The following SPAG16 variants were observed in gnomAD, a reference collection of about 807,000 sequenced individuals.
SPAG16 encodes sperm associated antigen 16.
A neutral mutation model predicts 80.4 loss-of-function variants in SPAG16; 86 were observed. That is an observed-to-expected ratio of 1.07 (90% confidence interval 0.90 to 1.28). The LOEUF is 1.28. Among genes scored for constraint, SPAG16 ranks in the 50% most tolerant of loss-of-function variants. SPAG16 has a pLI of 0.00. For synonymous variants in SPAG16, 294 were observed against 265.9 expected, an observed-to-expected ratio of 1.11 and a Z score of -1.03; for missense variants, 870 against 765.3, an observed-to-expected ratio of 1.14 and a Z score of -1.61.
At chr2:214,049,014 C>T (rs918307546) in intron 13 of SPAG16, among the ~76,000 whole-genome samples, 1 of 151,674 alleles carries the variant, frequency 6.6e-6, no homozygotes, top group African/African-American at 2.4e-5. Flanking sequence ...TAGCTGACTG[C>T]AGCCTTGAAC....
chr2:213,472,865 C>T (rs1363675144), intron 9 of SPAG16, among the ~76,000 whole-genome samples: 1 of 152,192 alleles, frequency 6.6e-6, no homozygotes, highest in African/African-American at 2.4e-5. Flanking sequence ...GATCTTTTCC[C>T]TTCCTCCAAT....
At chr2:214,112,593 T>C (rs1438334789) in intron 14 of SPAG16, among the ~76,000 whole-genome samples, 1 of 151,724 alleles carries the variant, frequency 6.6e-6, no homozygotes, top group Non-Finnish European at 1.5e-5. Context: ...TTGATCTTTG[T>C]TGGTTTAAAG....
chr2:213,351,145 CA>C lies in SPAG16; in HGVS notation c.762+507del, dbSNP rs541894718. Reference sequence around the variant, plus strand: ...TAGGCAACAGAGTGAGACAGTGTCTCAAAAAAATTAAATTAAATATCATTTA... The same window carrying C: ...TAGGCAACAGAGTGAGACAGTGTCTCAAAAAATTAAATTAAATATCATTTA... On this transcript the variant is annotated intron_variant, in intron 7 of 15. Coordinates refer to ENST00000331683, the MANE Select transcript of SPAG16 (RefSeq NM_024532.5). Among the ~76,000 whole-genome samples the C allele has an allele frequency of 6.6e-5, 10 of 151,736 alleles. 1 individual carries two copies. The highest frequency in any genetic ancestry group is 2.2e-4 in the African/African-American group (9 of 41,300).
chr2:213,807,572 A>G (rs1202061366), intron 10 of SPAG16, among the ~76,000 whole-genome samples: 2 of 152,162 alleles, frequency 1.3e-5, no homozygotes, highest in African/African-American at 4.8e-5. Context: ...CCTTCCAGCA[A>G]AAGTGTCGAA....
At chr2:213,698,878 T>A (rs993713319) in intron 10 of SPAG16, among the ~76,000 whole-genome samples, 1 of 152,212 alleles carries the variant, frequency 6.6e-6, no homozygotes. Context: ...CCTGAATGTG[T>A]AAAACAGTAT....
intron 10 of SPAG16, among the ~76,000 whole-genome samples, chr2:213,552,324 C>T (rs985685007): frequency 1.3e-5 from 2 of 152,172 alleles, no homozygotes; most frequent in Admixed American, 6.5e-5. Context: ...CCTCCACCAA[C>T]CAACAACAAA....
chr2:213,781,340 T>A (rs2069950735), intron 10 of SPAG16, among the ~76,000 whole-genome samples: 1 of 152,198 alleles, frequency 6.6e-6, no homozygotes, highest in Admixed American at 6.5e-5. Flanking sequence ...AATTTGCTTT[T>A]TATAGAAGGC....
At chr2:213,530,444 G>A (rs541088586) in intron 10 of SPAG16, among the ~76,000 whole-genome samples, 105 of 152,160 alleles carry the variant, frequency 6.9e-4, no homozygotes, top group Non-Finnish European at 1.1e-3. Context: ...ATTATGTAGC[G>A]CATGACTGTA....
At chr2:213,579,722 A>G (rs1011200142) in intron 10 of SPAG16, among the ~76,000 whole-genome samples, 2 of 152,118 alleles carry the variant, frequency 1.3e-5, no homozygotes, top group African/African-American at 2.4e-5. Flanking sequence ...CTATAATTGT[A>G]TGTGCAACTT....
At chr2:213,835,578 C>A (rs531487999) in intron 10 of SPAG16, among the ~76,000 whole-genome samples, 15 of 152,224 alleles carry the variant, frequency 9.9e-5, no homozygotes, top group African/African-American at 3.4e-4. Context: ...CTCCCTCCTT[C>A]TAAGGTTTCA....
intron 9 of SPAG16, among the ~76,000 whole-genome samples, chr2:213,436,489 A>G (rs1008569310): frequency 7.9e-5 from 12 of 152,178 alleles, no homozygotes; most frequent in African/African-American, 4.8e-5. Context: ...ATATAATTGT[A>G]TCATTGGATT....
intron 11 of SPAG16, among the ~76,000 whole-genome samples, chr2:213,890,625 T>A (rs1375988382): frequency 6.6e-6 from 1 of 152,024 alleles, no homozygotes; most frequent in Non-Finnish European, 1.5e-5. Flanking sequence ...AAAGGATGGT[T>A]TCATTTATAT....
intron 10 of SPAG16, among the ~76,000 whole-genome samples, chr2:213,632,616 T>C (rs767827379): frequency 7.2e-5 from 11 of 152,166 alleles, no homozygotes; most frequent in Admixed American, 4.6e-4. Flanking sequence ...CTGTCATATA[T>C]GGCTTTTATT....
chr2:214,115,842 C>T (rs981233141), intron 14 of SPAG16, among the ~76,000 whole-genome samples: 2 of 143,974 alleles, frequency 1.4e-5, no homozygotes, highest in African/African-American at 5.2e-5. Context: ...TGCACAACTG[C>T]ACTCCAGCCT....
chr2:213,854,816 T>C (rs762951739), intron 10 of SPAG16, among the ~76,000 whole-genome samples: 6 of 152,238 alleles, frequency 3.9e-5, no homozygotes, highest in Non-Finnish European at 7.3e-5. Context: ...GTCTACCCCA[T>C]GTCATGCAAA....
intron 3 of SPAG16, among the ~76,000 whole-genome samples, chr2:213,301,030 CA>C (rs1300316006): frequency 1.3e-5 from 2 of 151,980 alleles, no homozygotes; most frequent in Non-Finnish European, 2.9e-5. Context: ...TAGGTTGGTG[CA>C]AAAGTAATTG....
intron 10 of SPAG16, among the ~76,000 whole-genome samples, chr2:213,562,786 CAT>C (rs1484468544): frequency 6.7e-6 from 1 of 148,938 alleles, no homozygotes; most frequent in Admixed American, 6.7e-5. Context: ...TCTCTGTACT[CAT>C]GTGGTGGAAG....
chr2:213,774,140 G>T (rs781371539), intron 10 of SPAG16, among the ~76,000 whole-genome samples: 1 of 151,978 alleles, frequency 6.6e-6, no homozygotes, highest in Non-Finnish European at 1.5e-5. Flanking sequence ...ATATCTTTTG[G>T]TCTCTTTATC....
At chr2:213,323,856 T>C (rs1265684447) in intron 5 of SPAG16, among the ~76,000 whole-genome samples, 2 of 152,178 alleles carry the variant, frequency 1.3e-5, no homozygotes, top group African/African-American at 4.8e-5. Context: ...GACACTATGG[T>C]AAGTGAAATA....
Sources: allele counts gnomAD v4.1 joint callset (sites outside exome capture counted in the v4.1 genomes callset), GRCh38; gene constraint gnomAD v4.1.1; transcripts MANE v1.5; gene names NCBI Gene and HGNC (gene_info 2026-07-23, HGNC 2026-07-21).